The following PDGFRA variants were observed in gnomAD, a reference collection of about 807,000 sequenced individuals.
The protein encoded by PDGFRA is platelet-derived growth factor receptor alpha.
PDGFRA carries 25 observed loss-of-function variants against 121.5 expected under a neutral mutation model. That is an observed-to-expected ratio of 0.21 (90% CI 0.15 to 0.29). The LOEUF is 0.29. Ranked by LOEUF, PDGFRA falls within the 10% of genes least tolerant of loss-of-function variation. PDGFRA has a pLI of 1.00. For missense variants in PDGFRA, 1,008 were observed against 1,345.1 expected (o/e 0.75, Z 3.92); for synonymous variants, 463 against 494.8 (o/e 0.94, Z 0.85).
intron 11 of PDGFRA, 80 bp from the exon 12 acceptor site, chr4:54,274,761 A>G (rs910061493): frequency 6.5e-7 from 1 of 1,532,938 alleles, no homozygotes; most frequent in Admixed American, 1.7e-5. Context: ...TACTGTGTCC[A>G]GTCACTGTGC....
At position 54,272,329 on chromosome 4, in the gene PDGFRA, C is replaced by T. The variant is rs1021595803; in HGVS notation, c.1238-65C>T. ...AGATGAGTTGTGAACTCATATTCCACTTTGTAGTCTCATATGTTCTGGGAC... is the reference window on the plus strand; with the variant it reads ...AGATGAGTTGTGAACTCATATTCCATTTTGTAGTCTCATATGTTCTGGGAC... On this transcript the variant is annotated intron_variant, in intron 8 of 22. Transcript: ENST00000257290. The T allele has an allele frequency of 5.8e-5, 91 of 1,582,580 alleles. 1 individual carries two copies. The highest frequency in any genetic ancestry group is 2.3e-4 in the Admixed American group (14 of 59,930).
chr4:54,229,443 G>A (rs1037506092), intron 1 of PDGFRA, 28 bp downstream of exon 1: 2 of 394,806 alleles, frequency 5.1e-6, no homozygotes, highest in Middle Eastern at 6.3e-4. Flanking sequence ...ATGATTTTTT[G>A]TTTATAAGGG....
rs750095634 is a variant in PDGFRA, at chr4:54,290,285, ATTAAATATG to A, written c.2881-25_2881-17del. 98 of 1,583,244 alleles carry A rather than the reference ATTAAATATG, an allele frequency of 6.2e-5. No individual in the cohort carries two copies. The Middle Eastern group carries it at 1.3e-3, about 22-fold the overall frequency. ...TTTGAGGTTTGGTTGTTAACACTTG[ATTAAATATG>A]TTCAATGAATGTTTATAGAGTTATG... On this transcript the variant is annotated intron_variant, in intron 21 of 22. Coordinates refer to ENST00000257290, the MANE Select transcript of PDGFRA (RefSeq NM_006206.6).
chr4:54,292,285 T>C (rs767591951), intron 22 of PDGFRA, among the ~76,000 whole-genome samples: 1 of 152,146 alleles, frequency 6.6e-6, no homozygotes. Flanking sequence ...CCATCAATGA[T>C]AGACTGGATA....
rs116053766 is a variant in PDGFRA, at chr4:54,272,653, T to C, written c.1364+133T>C. The C allele has an allele frequency of 6.8e-4, 647 of 957,036 alleles. 4 individuals are homozygous for C. The highest frequency in any genetic ancestry group is 9.7e-4 in the Non-Finnish European group (597 of 613,190). 59.3% of individuals were successfully genotyped at this position (957,036 alleles called of 1,614,324 possible). A position where few individuals can be genotyped will look rare whatever the true frequency, so the allele number is the denominator to read the frequency against. On this transcript the variant is annotated intron_variant, in intron 9 of 22. Transcript: ENST00000257290. The stretch of plus-strand genomic sequence containing the variant: ...TGTGATAGCTTCAGGGTGTGTATCT[T>C]TTGTCATGAATAGCTGTGAGAAGAA...
chr4:54,281,563 G>A, intron 16 of PDGFRA: 2 of 1,340,016 alleles, frequency 1.5e-6, no homozygotes, highest in Non-Finnish European at 2.0e-6. Context: ...GTTAAAAATA[G>A]TTTACATTGC....
intron 5 of PDGFRA, 77 bp from the exon 6 acceptor site, chr4:54,267,212 G>C: frequency 7.4e-7 from 1 of 1,343,120 alleles, no homozygotes; most frequent in Non-Finnish European, 1.1e-6. Flanking sequence ...ATATCATCCA[G>C]AGTCCATAGT....
chr4:54,277,864 C>A (rs764547342), intron 13 of PDGFRA, 32 bp from the exon 14 acceptor site: 2 of 1,415,514 alleles, frequency 1.4e-6, no homozygotes, highest in Non-Finnish European at 1.0e-6. Flanking sequence ...GGTAGCTCAG[C>A]TGGACTGATA....
chr4:54,248,729 A>T (rs1721853039), intron 1 of PDGFRA, among the ~76,000 whole-genome samples: 1 of 152,214 alleles, frequency 6.6e-6, no homozygotes, highest in African/African-American at 2.4e-5. Flanking sequence ...GATCTAATTA[A>T]ACTAAAGAGC....
At chr4:54,247,801 A>G (rs911111684) in intron 1 of PDGFRA, among the ~76,000 whole-genome samples, 13 of 152,234 alleles carry the variant, frequency 8.5e-5, no homozygotes, top group African/African-American at 3.1e-4. Context: ...TGCGGATGAC[A>G]TGATTGTATA....
At chr4:54,291,628 A>G (rs1285787585) in intron 22 of PDGFRA, among the ~76,000 whole-genome samples, 1 of 152,302 alleles carries the variant, frequency 6.6e-6, no homozygotes. Flanking sequence ...TCAAAAAATA[A>G]CAGATGCTGG....
intron 4 of PDGFRA, chr4:54,264,668 G>A (rs1007550496): frequency 4.8e-6 from 2 of 416,398 alleles, no homozygotes; most frequent in Non-Finnish European, 8.9e-6. Context: ...GCTGAGGAAT[G>A]CGGTGTTCTG....
chr4:54,232,951 AC>A (rs1720770534), intron 1 of PDGFRA, among the ~76,000 whole-genome samples: 1 of 152,024 alleles, frequency 6.6e-6, no homozygotes, highest in South Asian at 2.1e-4. Flanking sequence ...GTGAGCCGCT[AC>A]CCACGGCCGT....
At chr4:54,293,429 C>CTTTTTTTTT (rs35064429) in intron 22 of PDGFRA, among the ~76,000 whole-genome samples, 1 of 116,144 alleles carries the variant, frequency 8.6e-6, no homozygotes, top group Non-Finnish European at 1.7e-5. Flanking sequence ...CCTAGAATTT[C>CTTTTTTTTT]TTTTTTTTTT....
At chr4:54,287,602 T>C in intron 19 of PDGFRA, 61 bp downstream of exon 19, 1 of 799,406 alleles carries the variant, frequency 1.3e-6, no homozygotes, top group African/African-American at 1.7e-5. Flanking sequence ...AAGGAAAATG[T>C]GTTCTTTCAA....
Position 54,252,837 on chromosome 4 carries a change from G to A in PDGFRA, c.-12-5920G>A, listed in dbSNP as rs144307601. ...GGCTTTAGGAGAAGAATGTCTTGCT[G>A]TTAGTCCTTCTGGAAATAGAGCCTT... On this transcript the variant is annotated intron_variant, in intron 1 of 22. Coordinates refer to ENST00000257290, the MANE Select transcript of PDGFRA (RefSeq NM_006206.6). Among the ~76,000 whole-genome samples the A allele has an allele frequency of 6.9e-3, 1,049 of 151,274 alleles. 8 individuals carry two copies. The highest frequency in any genetic ancestry group is 0.024 in the African/African-American group (988 of 41,116).
rs1286350038 is a variant in PDGFRA, at chr4:54,258,812, T to C, written c.44T>C (p.Leu15Pro). 1.2e-6 allele frequency: 2 copies of C among 1,613,644 alleles called. No homozygotes were observed. Among genetic ancestry groups the C allele is most frequent in the Non-Finnish European group, 1.7e-6 (2 of 1,179,532 alleles). The change falls in exon 2 of 23, where the codon CTC (leucine) becomes CCC (proline). Residue 15 changes from leucine to proline, a missense_variant. Leu to Pro is a moderately conservative substitution (Grantham distance 98). Coordinates refer to ENST00000257290, the MANE Select transcript of PDGFRA (RefSeq NM_006206.6). ...HPAFLVLGCL[L>P]TGLSLILCQL... is the part of the protein sequence containing the mutation. ...GCGTTCCTGGTCTTAGGCTGTCTTC[T>C]CACAGGTACGGAGCCCAGTCCTCTC...
At position 54,287,384 on chromosome 4, in the gene PDGFRA, A is replaced by G. The variant is rs144143098; in HGVS notation, c.2563-46A>G. The stretch of plus-strand genomic sequence containing the variant: ...TTTTCTATTTCCACTGCTGTGGATC[A>G]TCAGTGAGTAGACATGGGTTTAACT... On this transcript the variant is annotated intron_variant, in intron 18 of 22. Transcript: ENST00000257290. 876 of 809,046 alleles carry G rather than the reference A, an allele frequency of 1.1e-3. 13 individuals carry two copies. The East Asian group carries it at 0.021, about 19-fold the overall frequency. 50.1% of individuals were successfully genotyped at this position (809,046 alleles called of 1,614,324 possible). A position where few individuals can be genotyped will look rare whatever the true frequency, so the allele number is the denominator to read the frequency against.
intron 14 of PDGFRA, 26 bp from the exon 15 acceptor site, chr4:54,278,336 T>A (rs2110314378): frequency 6.3e-7 from 1 of 1,588,188 alleles, no homozygotes; most frequent in Non-Finnish European, 8.6e-7. Flanking sequence ...TTCATACCCA[T>A]CTCCTAACGG....
Sources: allele counts gnomAD v4.1 joint callset (sites outside exome capture counted in the v4.1 genomes callset), GRCh38; gene constraint gnomAD v4.1.1; transcripts MANE v1.5; gene names NCBI Gene and HGNC (gene_info 2026-07-23, HGNC 2026-07-21).